The following SNTG1 variants were observed in gnomAD, a reference collection of about 807,000 sequenced individuals.
SNTG1 encodes the protein gamma-1-syntrophin.
A neutral mutation model predicts 74.7 loss-of-function variants in SNTG1; 39 were observed. That is an observed-to-expected ratio of 0.52 (90% CI 0.40 to 0.68). The LOEUF (loss-of-function observed/expected upper bound fraction) is 0.68. Ranked by LOEUF, SNTG1 falls within the 30% of genes least tolerant of loss-of-function variation. SNTG1 has a pLI of 0.00. For missense variants in SNTG1, 685 were observed against 609.5 expected, an observed-to-expected ratio of 1.12 and a Z score of -1.30; for synonymous variants, 254 against 217.1, an observed-to-expected ratio of 1.17 and a Z score of -1.49.
At chr8:50,734,993 A>G (rs2095524605) in intron 17 of SNTG1, among the ~76,000 whole-genome samples, 1 of 146,596 alleles carries the variant, frequency 6.8e-6, no homozygotes, top group Non-Finnish European at 1.5e-5. Flanking sequence ...ATATATGTCC[A>G]TATATATATA....
chr8:50,484,585 C>G (rs971281635), intron 8 of SNTG1, among the ~76,000 whole-genome samples: 1 of 151,352 alleles, frequency 6.6e-6, no homozygotes, highest in African/African-American at 2.4e-5. Flanking sequence ...CAGGGCCTGG[C>G]GCAGTGGCTC....
At chr8:50,253,560 C>G (rs536116746) in intron 2 of SNTG1, among the ~76,000 whole-genome samples, 2 of 151,924 alleles carry the variant, frequency 1.3e-5, no homozygotes, top group African/African-American at 4.8e-5. Flanking sequence ...TTTCCAAAAG[C>G]CAATTTATGG....
intron 1 of SNTG1, among the ~76,000 whole-genome samples, chr8:50,111,484 A>G (rs1053867770): frequency 6.6e-6 from 1 of 152,146 alleles, no homozygotes; most frequent in Non-Finnish European, 1.5e-5. Flanking sequence ...GTGAGGTCAC[A>G]GTGAGAAGGG....
intron 12 of SNTG1, among the ~76,000 whole-genome samples, chr8:50,560,013 TA>T (rs1470459123): frequency 6.6e-6 from 1 of 152,026 alleles, no homozygotes. Context: ...ACAAGTAACT[TA>T]AACACATTTA....
intron 8 of SNTG1, among the ~76,000 whole-genome samples, chr8:50,480,076 A>G (rs2093727519): frequency 6.6e-6 from 1 of 152,150 alleles, no homozygotes; most frequent in Admixed American, 6.5e-5. Flanking sequence ...TTACATGTCA[A>G]ACATCTTGAA....
chr8:50,367,746 C>T (rs2092155231), intron 2 of SNTG1, among the ~76,000 whole-genome samples: 1 of 151,978 alleles, frequency 6.6e-6, no homozygotes, highest in East Asian at 1.9e-4. Flanking sequence ...CCACTGGGTG[C>T]TCAAATATAC....
intron 1 of SNTG1, among the ~76,000 whole-genome samples, chr8:49,931,685 C>T (rs930918122): frequency 6.6e-6 from 1 of 152,104 alleles, no homozygotes; most frequent in East Asian, 1.9e-4. Flanking sequence ...TGTATTCACA[C>T]ACTAGAATTC....
chr8:50,073,693 T>C (rs1821576182), intron 1 of SNTG1, among the ~76,000 whole-genome samples: 2 of 152,030 alleles, frequency 1.3e-5, no homozygotes, highest in Admixed American at 1.3e-4. Flanking sequence ...AGCTGAGAAA[T>C]GGATGTTGTG....
At chr8:50,324,201 G>A (rs73579268) in intron 2 of SNTG1, among the ~76,000 whole-genome samples, 4,451 of 152,102 alleles carry the variant, frequency 0.029, 226 homozygotes, top group African/African-American at 0.1. Flanking sequence ...TCCTTGTGCC[G>A]GCCCTGGCTA....
chr8:50,635,637 G>A (rs974049689), intron 13 of SNTG1, among the ~76,000 whole-genome samples: 9 of 152,260 alleles, frequency 5.9e-5, no homozygotes, highest in African/African-American at 1.9e-4. Context: ...GGCCACTGAC[G>A]AGTCCACTCA....
intron 1 of SNTG1, among the ~76,000 whole-genome samples, chr8:50,112,306 T>C (rs1178216590): frequency 6.6e-6 from 1 of 152,026 alleles, no homozygotes; most frequent in Non-Finnish European, 1.5e-5. Context: ...CAGGCATACG[T>C]GGATGACTTT....
At chr8:50,167,037 C>G (rs1305943757) in intron 1 of SNTG1, among the ~76,000 whole-genome samples, 2 of 140,466 alleles carry the variant, frequency 1.4e-5, no homozygotes, top group Non-Finnish European at 3.0e-5. Context: ...AAACCAAACA[C>G]TGCATATTCT....
chr8:50,530,156 T>C lies in SNTG1; in HGVS notation c.467-21T>C, dbSNP rs781698047. The C allele has an allele frequency of 2.5e-6, 4 of 1,609,380 alleles. No individual in the cohort carries two copies. The South Asian group carries it at 3.3e-5, about 13-fold the overall frequency. On this transcript the variant is annotated intron_variant, in intron 9 of 18. Coordinates refer to ENST00000642720, the MANE Select transcript of SNTG1 (RefSeq NM_018967.5). ...TTATGGCATTCTCACCAGTGGAATG[T>C]TATGATTTTGTCTCCTGCAGGTGCT...
At chr8:50,224,973 A>T (rs1395274669) in intron 2 of SNTG1, among the ~76,000 whole-genome samples, 2 of 151,458 alleles carry the variant, frequency 1.3e-5, no homozygotes, top group Non-Finnish European at 2.9e-5. Flanking sequence ...GTATTTTTTT[A>T]TTTTTATTTT....
intron 13 of SNTG1, among the ~76,000 whole-genome samples, chr8:50,594,547 A>T (rs1390940077): frequency 6.6e-6 from 1 of 152,122 alleles, no homozygotes; most frequent in Non-Finnish European, 1.5e-5. Context: ...TTGACATTTG[A>T]CGAACCATAA....
At chr8:50,522,929 G>A (rs1465156998) in intron 9 of SNTG1, among the ~76,000 whole-genome samples, 1 of 152,044 alleles carries the variant, frequency 6.6e-6, no homozygotes, top group African/African-American at 2.4e-5. Flanking sequence ...CTAATATGAG[G>A]CTATTTAATG....
chr8:49,986,487 C>T (rs1223876283), intron 1 of SNTG1, among the ~76,000 whole-genome samples: 5 of 152,072 alleles, frequency 3.3e-5, no homozygotes, highest in African/African-American at 7.2e-5. Context: ...TCTTGTGTTG[C>T]CAATTTTATC....
chr8:50,299,789 C>T (rs1587010868), intron 2 of SNTG1, among the ~76,000 whole-genome samples: 1 of 152,002 alleles, frequency 6.6e-6, no homozygotes, highest in Non-Finnish European at 1.5e-5. Context: ...TCAGTAGATA[C>T]GTGTCACTAG....
At chr8:50,363,578 G>A (rs17699383) in intron 2 of SNTG1, among the ~76,000 whole-genome samples, 7,495 of 152,200 alleles carry the variant, frequency 0.049, 250 homozygotes, top group Non-Finnish European at 0.071. Flanking sequence ...GTGAGGAAAC[G>A]AGAAATTCAC....
Sources: allele counts gnomAD v4.1 joint callset (sites outside exome capture counted in the v4.1 genomes callset), GRCh38; gene constraint gnomAD v4.1.1; transcripts MANE v1.5; gene names NCBI Gene and HGNC (gene_info 2026-07-23, HGNC 2026-07-21).